Variants in ADAMTS16 observed in about 807,000 individuals in gnomAD.
ADAMTS16 encodes A disintegrin and metalloproteinase with thrombospondin motifs 16.
ADAMTS16 carries 94 observed loss-of-function variants against 145.8 expected under a neutral mutation model. That is an observed-to-expected ratio of 0.64 (90% confidence interval 0.55 to 0.77). The LOEUF (loss-of-function observed/expected upper bound fraction) is 0.77, where lower values mean the gene tolerates loss of function less well. ADAMTS16 is among the 30% of genes least tolerant of loss of function. ADAMTS16 has a pLI of 0.00. For missense variants in ADAMTS16, 1,585 were observed against 1,591.5 expected (o/e 1.00, Z 0.07); for synonymous variants, 659 against 604.3 (o/e 1.09, Z -1.33).
intron 18 of ADAMTS16, among the ~76,000 whole-genome samples, chr5:5,282,441 AT>A (rs1177455810): frequency 6.6e-6 from 1 of 152,234 alleles, no homozygotes; most frequent in Non-Finnish European, 1.5e-5. Flanking sequence ...AACAACATTT[AT>A]TGAAAAATTC....
chr5:5,301,879 C>T (rs144032707), intron 18 of ADAMTS16, among the ~76,000 whole-genome samples: 228 of 152,272 alleles, frequency 1.5e-3, no homozygotes, highest in Non-Finnish European at 2.0e-3. Context: ...GCCTCGCAGG[C>T]GACCCCTAGG....
intron 10 of ADAMTS16, among the ~76,000 whole-genome samples, chr5:5,210,109 C>T (rs1362075378): frequency 6.6e-6 from 1 of 152,158 alleles, no homozygotes; most frequent in Non-Finnish European, 1.5e-5. Flanking sequence ...CAGACTGGAA[C>T]AAGATCTGTA....
At position 5,253,367 on chromosome 5, in the gene ADAMTS16, G is replaced by A. The variant is rs146660661; in HGVS notation, c.2663-9290G>A. 6.5e-3 allele frequency among the ~76,000 whole-genome samples: 994 copies of A among 152,290 alleles called. 9 individuals carry two copies. The highest frequency in any genetic ancestry group is 0.023 in the African/African-American group (944 of 41,540). ...GTTACAAGTAGATACAAGACAACAG[G>A]TTGCATTCTTTTGTGTCCTTGATCA... On this transcript the variant is annotated intron_variant, in intron 17 of 22. Coordinates refer to ENST00000274181, the MANE Select transcript of ADAMTS16 (RefSeq NM_139056.4).
At chr5:5,151,218 A>C (rs1432836899) in intron 3 of ADAMTS16, among the ~76,000 whole-genome samples, 1 of 57,690 alleles carries the variant, frequency 1.7e-5, no homozygotes, top group Admixed American at 1.3e-4. Context: ...CTTTTCTCTT[A>C]TTTATTTATT....
At chr5:5,260,601 A>G (rs1484678664) in intron 17 of ADAMTS16, among the ~76,000 whole-genome samples, 1 of 152,194 alleles carries the variant, frequency 6.6e-6, no homozygotes, top group Non-Finnish European at 1.5e-5. Context: ...TCAATGCTCA[A>G]AGGGCTAAAC....
intron 21 of ADAMTS16, among the ~76,000 whole-genome samples, chr5:5,311,612 T>A (rs1253773490): frequency 2.6e-5 from 4 of 151,312 alleles, no homozygotes; most frequent in Admixed American, 1.3e-4. Flanking sequence ...AGTGGGGTGA[T>A]CTTGGCTCAC....
At chr5:5,234,918 T>A in intron 12 of ADAMTS16, 96 bp from the exon 13 acceptor site, 9 of 1,003,144 alleles carry the variant, frequency 9.0e-6, no homozygotes, top group Non-Finnish European at 8.0e-6. Flanking sequence ...TTACCCATTC[T>A]AACACTCTTA....
chr5:5,206,425 CAAAA>C (rs1173829992), intron 9 of ADAMTS16, among the ~76,000 whole-genome samples: 2 of 39,432 alleles, frequency 5.1e-5, no homozygotes. Context: ...GACTCCGTCT[CAAAA>C]AAAAAAAAAA....
chr5:5,185,618 A>G (rs1401270440), intron 4 of ADAMTS16, among the ~76,000 whole-genome samples: 1 of 152,222 alleles, frequency 6.6e-6, no homozygotes, highest in East Asian at 1.9e-4. Flanking sequence ...AAACATTGTC[A>G]AGTCGTTAAA....
At chr5:5,318,318 G>A in intron 22 of ADAMTS16, 37 bp downstream of exon 22, 1 of 1,370,300 alleles carries the variant, frequency 7.3e-7, no homozygotes, top group Non-Finnish European at 9.5e-7. Context: ...ACCTGGGCAT[G>A]GGGCTGGAAT....
intron 4 of ADAMTS16, among the ~76,000 whole-genome samples, chr5:5,184,784 A>C (rs1031387801): frequency 6.6e-6 from 1 of 151,718 alleles, no homozygotes; most frequent in Non-Finnish European, 1.5e-5. Flanking sequence ...GGCCCGTGAG[A>C]TCACCACCCC....
chr5:5,235,905 A>C (rs757134099), intron 13 of ADAMTS16, among the ~76,000 whole-genome samples: 2 of 152,218 alleles, frequency 1.3e-5, no homozygotes, highest in African/African-American at 4.8e-5. Context: ...CAGTGCATAC[A>C]GTGTTTTCAC....
chr5:5,161,431 A>C (rs536483688), intron 3 of ADAMTS16, among the ~76,000 whole-genome samples: 1 of 152,310 alleles, frequency 6.6e-6, no homozygotes, highest in Non-Finnish European at 1.5e-5. Context: ...TCATGGGATA[A>C]GGGGACATAA....
At chr5:5,214,833 G>C (rs988692332) in intron 10 of ADAMTS16, among the ~76,000 whole-genome samples, 2 of 152,126 alleles carry the variant, frequency 1.3e-5, no homozygotes, top group African/African-American at 4.8e-5. Context: ...AAACATCTCA[G>C]AACAATTTAA....
chr5:5,173,399 G>C (rs1306923670), intron 3 of ADAMTS16, among the ~76,000 whole-genome samples: 1 of 146,224 alleles, frequency 6.8e-6, no homozygotes, highest in Non-Finnish European at 1.5e-5. Context: ...GCTTTTTACT[G>C]TTTGTGTATC....
At chr5:5,265,229 G>T (rs867568002) in intron 18 of ADAMTS16, among the ~76,000 whole-genome samples, 5 of 152,024 alleles carry the variant, frequency 3.3e-5, no homozygotes, top group African/African-American at 1.2e-4. Context: ...AGGTAAGGTG[G>T]TCAGGACAGA....
At chr5:5,196,267 T>C (rs1445074141) in intron 8 of ADAMTS16, among the ~76,000 whole-genome samples, 2 of 140,250 alleles carry the variant, frequency 1.4e-5, no homozygotes, top group African/African-American at 5.3e-5. Context: ...GCAGCATTGG[T>C]GTCACTATTG....
chr5:5,240,299 G>A (rs72724162), intron 16 of ADAMTS16, among the ~76,000 whole-genome samples: 20,797 of 152,214 alleles, frequency 0.14, 1,824 homozygotes, highest in Middle Eastern at 0.21. Context: ...GTGGCAATAG[G>A]AGAGGAGAGC....
intron 9 of ADAMTS16, among the ~76,000 whole-genome samples, chr5:5,202,798 T>G (rs1735997830): frequency 6.6e-6 from 1 of 152,170 alleles, no homozygotes. Context: ...ATAATTTGGG[T>G]GTGTAGTGAG....
Sources: allele counts gnomAD v4.1 joint callset (sites outside exome capture counted in the v4.1 genomes callset), GRCh38; gene constraint gnomAD v4.1.1; transcripts MANE v1.5; gene names NCBI Gene and HGNC (gene_info 2026-07-23, HGNC 2026-07-21).